Variants in NRXN3 observed in about 807,000 individuals in gnomAD.
NRXN3 encodes the protein neurexin III.
A neutral mutation model predicts 137.6 loss-of-function variants in NRXN3; 32 were observed. The observed-to-expected ratio is 0.23, with a 90% CI of 0.18 to 0.31. The LOEUF (loss-of-function observed/expected upper bound fraction) is 0.31. NRXN3 is among the 10% of genes least tolerant of loss of function. The probability of loss-of-function intolerance (pLI) is 1.00; values close to 1 mark genes in which losing one functional copy is unlikely to be tolerated. For synonymous variants in NRXN3, 798 were observed against 784.5 expected (o/e 1.02, Z -0.29); for missense variants, 1,574 against 2,062.5 (o/e 0.76, Z 4.59).
At position 78,482,063 on chromosome 14, in the gene NRXN3, A is replaced by G. The variant is rs568022084; in HGVS notation, c.758-163057A>G. On this transcript the variant is annotated intron_variant, in intron 4 of 20. Coordinates refer to ENST00000335750, the MANE Select transcript of NRXN3 (RefSeq NM_001330195.2). ...CACAGAAACCCACCACAAATGGTAA[A>G]ATCCCAAGAAAAAGTTTTGAGTTTT... is the stretch of plus-strand genomic sequence containing the variant. Among the ~76,000 whole-genome samples the G allele has an allele frequency of 7.2e-5, 11 of 152,308 alleles. 1 individual carries two copies. The South Asian group carries it at 2.3e-3, about 32-fold the overall frequency.
rs377371263 is a variant in NRXN3, at chr14:78,235,026, G to GTATATATA, written c.-703-7361_-703-7354dup. ...TATATATATATATATATATATATGT[G>GTATATATA]TATATATATATGTGTGTGTGTGTGT... On this transcript the variant is annotated intron_variant, in intron 1 of 20. Coordinates refer to ENST00000335750, the MANE Select transcript of NRXN3 (RefSeq NM_001330195.2). Among the ~76,000 whole-genome samples, 791 of 86,682 alleles carry GTATATATA rather than the reference G, an allele frequency of 9.1e-3. 24 individuals carry two copies. Among genetic ancestry groups the GTATATATA allele is most frequent in the South Asian group, 0.015 (38 of 2,588 alleles). 56.9% of individuals were successfully genotyped at this position (86,682 alleles called of 152,430 possible). A position where few individuals can be genotyped will look rare whatever the true frequency, so the allele number is the denominator to read the frequency against.
At chr14:79,379,115 A>C (rs1298765839) in intron 15 of NRXN3, among the ~76,000 whole-genome samples, 1 of 152,190 alleles carries the variant, frequency 6.6e-6, no homozygotes, top group Non-Finnish European at 1.5e-5. Flanking sequence ...TCTTTCTTTC[A>C]AAATTTTCTG....
intron 10 of NRXN3, among the ~76,000 whole-genome samples, chr14:78,909,530 G>T (rs1169913677): frequency 6.6e-6 from 1 of 152,066 alleles, no homozygotes; most frequent in Admixed American, 6.6e-5. Flanking sequence ...TCAAACAAGG[G>T]CAATTATGTG....
Position 78,949,372 on chromosome 14 carries a change from T to C in NRXN3, c.2276-7870T>C, listed in dbSNP as rs373343449. 3.7e-3 allele frequency among the ~76,000 whole-genome samples: 559 copies of C among 152,324 alleles called. 1 individual carries two copies. Among genetic ancestry groups the C allele is most frequent in the African/African-American group, 0.013 (531 of 41,568 alleles). On this transcript the variant is annotated intron_variant, in intron 10 of 20. Coordinates refer to ENST00000335750, the MANE Select transcript of NRXN3 (RefSeq NM_001330195.2). ...TTTCCTGAATCGGTTCAATCTGTCC[T>C]ATTGCTAAAATACAGTCTGCAGCTC... is the stretch of plus-strand genomic sequence containing the variant.
chr14:79,382,630 A>T (rs10450934), intron 15 of NRXN3, among the ~76,000 whole-genome samples: 48,598 of 151,962 alleles, frequency 0.32, 8,603 homozygotes, highest in Middle Eastern at 0.52. Context: ...CTCTGAAAGG[A>T]TATATAAGAT....
chr14:78,662,887 G>A (rs978122169), intron 6 of NRXN3, among the ~76,000 whole-genome samples: 1 of 152,058 alleles, frequency 6.6e-6, no homozygotes, highest in Non-Finnish European at 1.5e-5. Context: ...TGATCATCTC[G>A]AAAACCGTTA....
In NRXN3 at chr14:79,862,133, C is replaced by G; in HGVS notation, c.*169C>G. 1 of 597,988 alleles carries G rather than the reference C, an allele frequency of 1.7e-6. No individual in the cohort carries two copies. Among genetic ancestry groups the G allele is most frequent in the Non-Finnish European group, 2.9e-6 (1 of 339,876 alleles). 37.0% of individuals were successfully genotyped at this position (597,988 alleles called of 1,614,324 possible). A position where few individuals can be genotyped will look rare whatever the true frequency, so the allele number is the denominator to read the frequency against. ...GTTTTTTAAAGGACACACACACACA[C>G]AGCGATGCATCTCTCTCTAAAGCTC... On this transcript the variant is annotated 3_prime_UTR_variant, in exon 21 of 21. Transcript: ENST00000335750.
intron 4 of NRXN3, among the ~76,000 whole-genome samples, chr14:78,517,318 C>T (rs1224559417): frequency 1.3e-5 from 2 of 152,220 alleles, no homozygotes; most frequent in East Asian, 3.9e-4. Context: ...CAAGGCTCTT[C>T]TCTTACTAGG....
chr14:78,937,688 C>T (rs2099344890), intron 10 of NRXN3, among the ~76,000 whole-genome samples: 1 of 152,152 alleles, frequency 6.6e-6, no homozygotes, highest in Admixed American at 6.5e-5. Flanking sequence ...CCAGGAAATT[C>T]TCCATTTCTT....
In NRXN3 at chr14:78,919,009, G is replaced by A. The variant is rs188833269; in HGVS notation, c.2276-38233G>A. ...TATGAATACACATGATTTCCACCAAGAGAAAGCATGTGATCCCAAATATAA... is the reference window on the plus strand; with the variant it reads ...TATGAATACACATGATTTCCACCAAAAGAAAGCATGTGATCCCAAATATAA... On this transcript the variant is annotated intron_variant, in intron 10 of 20. Coordinates refer to ENST00000335750, the MANE Select transcript of NRXN3 (RefSeq NM_001330195.2). 1.7e-3 allele frequency among the ~76,000 whole-genome samples: 252 copies of A among 152,198 alleles called. 1 individual carries two copies. Among genetic ancestry groups the A allele is most frequent in the Non-Finnish European group, 2.5e-3 (173 of 67,998 alleles).
At chr14:78,322,765 C>T (rs10149483) in intron 4 of NRXN3, among the ~76,000 whole-genome samples, 38,738 of 151,610 alleles carry the variant, frequency 0.26, 5,243 homozygotes, top group African/African-American at 0.3. Context: ...TATCTCTGCT[C>T]GTGCTTGCCC....
intron 4 of NRXN3, among the ~76,000 whole-genome samples, chr14:78,513,063 G>T (rs2096138494): frequency 6.6e-6 from 1 of 152,110 alleles, no homozygotes; most frequent in African/African-American, 2.4e-5. Flanking sequence ...TCTACATTTG[G>T]ATCTCTGGTC....
intron 8 of NRXN3, among the ~76,000 whole-genome samples, chr14:78,768,075 C>CA (rs79591478): frequency 0.078 from 6,370 of 81,570 alleles, 261 homozygotes; most frequent in African/African-American, 0.16. Context: ...ATGTGTTTAC[C>CA]AAAAAAAAAA....
intron 16 of NRXN3, among the ~76,000 whole-genome samples, chr14:79,582,586 AT>A (rs201877820): frequency 8.0e-4 from 117 of 146,126 alleles, no homozygotes; most frequent in Middle Eastern, 3.6e-3. Context: ...ACGCCCAGCA[AT>A]TTTTTTTTTT....
chr14:78,889,947 C>T lies in NRXN3; in HGVS notation c.2276-67295C>T, dbSNP rs563986168. ...TTGTAAGAGACAGATGAGGAGAAGACGTAGAGACTTGTGAAACAGAAGGCC... is the reference window on the plus strand; with the variant it reads ...TTGTAAGAGACAGATGAGGAGAAGATGTAGAGACTTGTGAAACAGAAGGCC... On this transcript the variant is annotated intron_variant, in intron 10 of 20. Coordinates refer to ENST00000335750, the MANE Select transcript of NRXN3 (RefSeq NM_001330195.2). Among the ~76,000 whole-genome samples, 10 of 152,014 alleles carry T rather than the reference C, an allele frequency of 6.6e-5. No homozygotes were observed. In the East Asian group the frequency reaches 9.7e-4, roughly 15 times the overall value.
chr14:79,222,428 G>A (rs74926962), intron 15 of NRXN3, among the ~76,000 whole-genome samples: 4,178 of 152,204 alleles, frequency 0.027, 136 homozygotes, highest in South Asian at 0.085. Flanking sequence ...TTCACCTGCT[G>A]AAGGACACCT....
chr14:79,203,065 A>T (rs1019125988), intron 15 of NRXN3, among the ~76,000 whole-genome samples: 1 of 152,066 alleles, frequency 6.6e-6, no homozygotes, highest in Non-Finnish European at 1.5e-5. Flanking sequence ...GGTGTCCATT[A>T]TCTTTTACCA....
At chr14:78,303,514 C>T (rs920140274) in intron 4 of NRXN3, among the ~76,000 whole-genome samples, 7 of 152,098 alleles carry the variant, frequency 4.6e-5, no homozygotes, top group Non-Finnish European at 8.8e-5. Flanking sequence ...AAAATTAAAT[C>T]GGGTCATGTA....
chr14:78,448,946 G>A (rs1020463611), intron 4 of NRXN3, among the ~76,000 whole-genome samples: 1 of 152,282 alleles, frequency 6.6e-6, no homozygotes, highest in South Asian at 2.1e-4. Flanking sequence ...CAGTTCCTGC[G>A]TAAGTTCAGA....
Sources: gnomAD v4.1 joint callset for allele counts (sites outside exome capture counted in the v4.1 genomes callset) on GRCh38, gnomAD v4.1.1 for gene constraint, MANE v1.5 for transcripts, NCBI Gene and HGNC (gene_info 2026-07-23, HGNC 2026-07-21) for gene names.